Variants in ADAMTS13 observed in about 807,000 individuals in gnomAD.
ADAMTS13 encodes ADAM metallopeptidase with thrombospondin type 1 motif 13, also known as A disintegrin and metalloproteinase with thrombospondin motifs 13.
A neutral mutation model predicts 155.1 loss-of-function variants in ADAMTS13; 110 were observed. That is an observed-to-expected ratio of 0.71 (90% confidence interval 0.61 to 0.83). ADAMTS13 has a LOEUF of 0.83. ADAMTS13 is among the 40% of genes least tolerant of loss of function. The pLI, the probability that ADAMTS13 is intolerant of heterozygous loss-of-function variation, is 0.00. For synonymous variants in ADAMTS13, 758 were observed against 756.4 expected (o/e 1.00, Z -0.03); for missense variants, 1,707 against 1,891.7 (o/e 0.90, Z 1.81).
At chr9:133,438,013 G>T (rs1036652773) in intron 13 of ADAMTS13, 116 bp downstream of exon 13, 2 of 1,562,662 alleles carry the variant, frequency 1.3e-6, no homozygotes, top group Non-Finnish European at 1.7e-6. Context: ...CTCTGCAGGG[G>T]AGTGGTGCTG....
intron 16 of ADAMTS13, 101 bp from the exon 17 acceptor site, chr9:133,442,298 T>C (rs1841730145): frequency 3.8e-6 from 6 of 1,570,230 alleles, no homozygotes; most frequent in Non-Finnish European, 5.3e-6. Context: ...CGAAAGATTA[T>C]AGGGATGCAA....
chr9:133,436,706 G>A (rs956362324), intron 11 of ADAMTS13, 123 bp from the exon 12 acceptor site: 13 of 1,028,092 alleles, frequency 1.3e-5, no homozygotes, highest in Admixed American at 6.2e-5. Context: ...ACCGAGGCAC[G>A]GCCTGGAGCT....
At chr9:133,452,272 C>G (rs1173606586) in intron 23 of ADAMTS13, among the ~76,000 whole-genome samples, 3 of 151,974 alleles carry the variant, frequency 2.0e-5, no homozygotes, top group Non-Finnish European at 2.9e-5. Context: ...GCCACCACCC[C>G]CAACTGATTT....
intron 6 of ADAMTS13, among the ~76,000 whole-genome samples, chr9:133,428,098 C>T (rs1250095913): frequency 6.6e-6 from 1 of 152,210 alleles, no homozygotes; most frequent in Non-Finnish European, 1.5e-5. Flanking sequence ...CATTAGGAGT[C>T]CTCCATCAGT....
intron 8 of ADAMTS13, among the ~76,000 whole-genome samples, chr9:133,431,495 T>C (rs782303539): frequency 1.3e-4 from 19 of 151,244 alleles, no homozygotes; most frequent in Non-Finnish European, 2.2e-4. Flanking sequence ...CCCAGCTAAG[T>C]TTTGTATTTT....
At chr9:133,430,239 T>A in intron 8 of ADAMTS13, 138 bp downstream of exon 8, 1 of 1,095,632 alleles carries the variant, frequency 9.1e-7, no homozygotes, top group Non-Finnish European at 1.3e-6. Context: ...CGGCTTAGTT[T>A]AATGCTGTCT....
chr9:133,451,107 G>A (rs900936072), intron 23 of ADAMTS13, among the ~76,000 whole-genome samples: 1 of 152,082 alleles, frequency 6.6e-6, no homozygotes, highest in East Asian at 1.9e-4. Context: ...TTCTTTAATG[G>A]TTTCTTTTTG....
chr9:133,418,475 G>T (rs1236850589), upstream of ADAMTS13, among the ~76,000 whole-genome samples: 2 of 152,228 alleles, frequency 1.3e-5, no homozygotes, highest in African/African-American at 4.8e-5. Context: ...GTAGCAGGAC[G>T]AGCCGCAGAC....
At chr9:133,436,474 C>T (rs950081003) in intron 11 of ADAMTS13, among the ~76,000 whole-genome samples, 7 of 152,148 alleles carry the variant, frequency 4.6e-5, no homozygotes, top group Non-Finnish European at 1.0e-4. Flanking sequence ...GAGGTCTTTG[C>T]TCCATGCTTT....
chr9:133,454,283 C>T, intron 23 of ADAMTS13, 132 bp from the exon 24 acceptor site: 1 of 1,122,782 alleles, frequency 8.9e-7, no homozygotes, highest in East Asian at 2.5e-5. Context: ...AGTGGCTGCA[C>T]TTTCCATCTT....
chr9:133,457,466 C>T (rs1372280662), intron 27 of ADAMTS13, among the ~76,000 whole-genome samples: 1 of 152,248 alleles, frequency 6.6e-6, no homozygotes, highest in Non-Finnish European at 1.5e-5. Context: ...TCACCGTTCA[C>T]ATTGCTTCTC....
At chr9:133,454,741 C>T (rs1303595557) in intron 24 of ADAMTS13, 122 bp downstream of exon 24, 8 of 1,277,844 alleles carry the variant, frequency 6.3e-6, no homozygotes, top group East Asian at 2.5e-5. Flanking sequence ...AAGGAGAGAG[C>T]TGCGCCCGTT....
In ADAMTS13 at chr9:133,456,671, G is replaced by T. The variant is rs1554796146; in HGVS notation, c.3676G>T (p.Val1226Leu). 3 of 1,594,426 alleles carry T rather than the reference G, an allele frequency of 1.9e-6. No individual in the cohort carries two copies. The highest frequency in any genetic ancestry group is 2.6e-6 in the Non-Finnish European group (3 of 1,170,342). ...RQRCGRPGGG[V>L]LLRYGSQLAP... ...GCGCTGCGGGCGGCCAGGAGGTGGG[G>T]TGCTGCTGCGGTATGGGAGCCAGCT... The change falls in exon 27 of 29, where the codon GTG (valine) becomes TTG (leucine). Residue 1226 changes from valine to leucine, a missense_variant. Around this residue, in one of 3 missense-constraint regions of ADAMTS13, gnomAD observed 961 missense variants for 1,107.9 expected, o/e 0.87. Transcript: ENST00000355699. The surrounding 1 kb of genome is among the most constrained non-coding windows in gnomAD (Gnocchi z 4.4).
chr9:133,423,156 C>T lies in ADAMTS13; in HGVS notation c.161C>T (p.Ala54Val). 1 of 1,614,000 alleles carries T rather than the reference C, an allele frequency of 6.2e-7. No individual in the cohort carries two copies. Among genetic ancestry groups the T allele is most frequent in the Non-Finnish European group, 8.5e-7 (1 of 1,179,984 alleles). Residue 54 changes from alanine to valine, a missense_variant, in exon 2 of 29, where the codon GCT becomes GTT. Ala to Val is a moderately conservative substitution (Grantham distance 64). Transcript: ENST00000355699. Reference sequence around the variant, plus strand: ...GTGTCTTCTTACTTGAGCCCTGGTGCTCCCTTAAAAGGTACTTGTCCTGGT... The same window carrying T: ...GTGTCTTCTTACTTGAGCCCTGGTGTTCCCTTAAAAGGTACTTGTCCTGGT... ...QAVSSYLSPG[A>V]PLKGRPPSPG...
At chr9:133,442,587 G>A (rs782778146) in intron 17 of ADAMTS13, 27 bp from the exon 18 acceptor site, 50 of 1,613,210 alleles carry the variant, frequency 3.1e-5, no homozygotes, top group South Asian at 2.9e-4. Context: ...GCAGGGAGGC[G>A]GCCTAGCCCT....
chr9:133,455,206 A>C (rs1416362770), intron 24 of ADAMTS13, 79 bp from the exon 25 acceptor site: 2 of 1,448,610 alleles, frequency 1.4e-6, no homozygotes. Flanking sequence ...ATATTGGATC[A>C]CTCCTGGCCT....
chr9:133,439,922 A>C (rs782778951), intron 15 of ADAMTS13, among the ~76,000 whole-genome samples: 2 of 152,254 alleles, frequency 1.3e-5, no homozygotes, highest in African/African-American at 2.4e-5. Context: ...TTTCTGGTAC[A>C]GCCAGCCCCT....
intron 28 of ADAMTS13, 151 bp from the exon 29 acceptor site, chr9:133,458,823 G>A (rs1466733329): frequency 1.3e-6 from 1 of 758,014 alleles, no homozygotes; most frequent in African/African-American, 1.7e-5. Context: ...CCTGGACCTC[G>A]GTTTTCTGGG....
intron 21 of ADAMTS13, 47 bp from the exon 22 acceptor site, chr9:133,448,551 TG>T (rs782738987): frequency 1.2e-6 from 2 of 1,603,520 alleles, no homozygotes; most frequent in Admixed American, 1.7e-5. Flanking sequence ...CTGCAGTCCT[TG>T]CTGAGCCTGT....
Sources: allele counts gnomAD v4.1 joint callset (sites outside exome capture counted in the v4.1 genomes callset), GRCh38; gene constraint gnomAD v4.1.1; regional missense constraint gnomAD v4.1.1; non-coding constraint Gnocchi (gnomAD v3.1); transcripts MANE v1.5; gene names NCBI Gene and HGNC (gene_info 2026-07-23, HGNC 2026-07-21).